The following DNAH17 variants were observed in gnomAD, a reference collection of about 807,000 sequenced individuals.
The protein encoded by DNAH17 is axonemal beta dynein heavy chain 17.
In DNAH17, 376 loss-of-function variants were observed where a neutral mutation model predicts 485.6. That is an observed-to-expected ratio of 0.77 (90% CI 0.71 to 0.84). DNAH17 has a LOEUF of 0.84. Ranked by LOEUF, DNAH17 falls within the 40% of genes least tolerant of loss-of-function variation. The probability of loss-of-function intolerance (pLI) is 0.00; values close to 1 mark genes in which losing one functional copy is unlikely to be tolerated. For missense variants in DNAH17, 6,370 were observed against 5,839.3 expected (o/e 1.09, Z -2.96); for synonymous variants, 3,031 against 2,405.9 (o/e 1.26, Z -7.60).
chr17:78,529,682 C>T lies in DNAH17; in HGVS notation c.3297G>A (p.Leu1099=), dbSNP rs1423107860. ...TTCTGGCGACTTTCATGAAGGCTTC[C>T]AGGTCAGCCAGGCTAAGGGACAAGG... is the stretch of plus-strand genomic sequence containing the variant. ...SNHVTNSLAD[L]EAFMKVARMG... The change falls in exon 22 of 81, where the codon CTG becomes CTA. Residue 1099 remains leucine (L), a synonymous_variant. Transcript: ENST00000389840. 1.2e-6 allele frequency: 2 copies of T among 1,613,828 alleles called. No individual in the cohort carries two copies. The highest frequency in any genetic ancestry group is 8.5e-7 in the Non-Finnish European group (1 of 1,179,860).
intron 54 of DNAH17, among the ~76,000 whole-genome samples, chr17:78,470,201 G>A (rs1489608027): frequency 2.7e-5 from 4 of 149,752 alleles, no homozygotes; most frequent in Non-Finnish European, 4.4e-5. Flanking sequence ...AGCCTCCTGA[G>A]AGATTACAGG....
At chr17:78,451,105 C>T (rs2087530421) in intron 66 of DNAH17, among the ~76,000 whole-genome samples, 1 of 152,234 alleles carries the variant, frequency 6.6e-6, no homozygotes, top group Non-Finnish European at 1.5e-5. Context: ...CTCCTGAGCC[C>T]ATGCAAGTGG....
At chr17:78,544,316 G>A (rs1371233838) in intron 16 of DNAH17, among the ~76,000 whole-genome samples, 1 of 152,212 alleles carries the variant, frequency 6.6e-6, no homozygotes, top group Non-Finnish European at 1.5e-5. Flanking sequence ...TCTCTCTTTA[G>A]GGGGACGGAA....
At chr17:78,539,171 A>T (rs372990388) in intron 18 of DNAH17, among the ~76,000 whole-genome samples, 1 of 152,254 alleles carries the variant, frequency 6.6e-6, no homozygotes, top group East Asian at 1.9e-4. Context: ...TGGAGTTTGC[A>T]GTGAGCTGAG....
intron 19 of DNAH17, among the ~76,000 whole-genome samples, chr17:78,533,725 C>A (rs1038404055): frequency 6.6e-6 from 1 of 152,168 alleles, no homozygotes; most frequent in Non-Finnish European, 1.5e-5. Context: ...CGGTCTGTCA[C>A]CCAGGCCGGA....
chr17:78,478,965 A>T, intron 51 of DNAH17, 60 bp downstream of exon 51: 1 of 1,424,904 alleles, frequency 7.0e-7, no homozygotes, highest in Non-Finnish European at 9.8e-7. Context: ...TGAGGAAAGC[A>T]CCTGTGGATC....
chr17:78,503,455 G>A (rs2090375772), intron 31 of DNAH17, among the ~76,000 whole-genome samples: 2 of 151,506 alleles, frequency 1.3e-5, no homozygotes, highest in South Asian at 4.2e-4. Flanking sequence ...AAAGTGCTGG[G>A]ATTACAGGCA....
At chr17:78,518,744 C>T (rs530866449) in intron 25 of DNAH17, among the ~76,000 whole-genome samples, 6 of 152,328 alleles carry the variant, frequency 3.9e-5, no homozygotes, top group East Asian at 3.9e-4. Flanking sequence ...AGACTATATC[C>T]TGATCCATAA....
At chr17:78,501,428 C>T (rs530062013) in intron 34 of DNAH17, 84 bp from the exon 35 acceptor site, 30 of 1,471,794 alleles carry the variant, frequency 2.0e-5, no homozygotes, top group Admixed American at 6.6e-5. Context: ...CCTCCAAGGC[C>T]GGTCCCCTGC....
intron 27 of DNAH17, among the ~76,000 whole-genome samples, chr17:78,508,459 T>A (rs1376342533): frequency 6.6e-6 from 1 of 152,232 alleles, no homozygotes; most frequent in Non-Finnish European, 1.5e-5. Context: ...TAACTGTGTT[T>A]TGGAGTCTTC....
intron 51 of DNAH17, among the ~76,000 whole-genome samples, chr17:78,477,079 A>AC (rs981736210): frequency 1.3e-5 from 2 of 152,360 alleles, no homozygotes. Context: ...CTTGGGTACC[A>AC]CAGCAAGCCT....
intron 17 of DNAH17, among the ~76,000 whole-genome samples, chr17:78,541,991 G>C (rs1209015457): frequency 6.6e-6 from 1 of 152,044 alleles, no homozygotes; most frequent in Non-Finnish European, 1.5e-5. Context: ...GATCTTTAGA[G>C]CAATGATGTG....
intron 67 of DNAH17, 93 bp downstream of exon 67, chr17:78,450,589 T>C: frequency 4.0e-6 from 6 of 1,491,628 alleles, no homozygotes; most frequent in African/African-American, 1.4e-5. Context: ...CGAAGCTGCT[T>C]TTCTCCTTTC....
At chr17:78,534,283 G>T (rs1225790859) in intron 19 of DNAH17, among the ~76,000 whole-genome samples, 1 of 152,230 alleles carries the variant, frequency 6.6e-6, no homozygotes, top group Non-Finnish European at 1.5e-5. Context: ...TGGAGATCTT[G>T]TCTGTGCAGG....
intron 11 of DNAH17, among the ~76,000 whole-genome samples, chr17:78,562,994 G>C (rs79466370): frequency 0.023 from 3,462 of 152,278 alleles, 138 homozygotes; most frequent in African/African-American, 0.077. Context: ...CGGTGAGCCT[G>C]AGTCTCAGAC....
chr17:78,487,374 A>G (rs1045410235), intron 44 of DNAH17, among the ~76,000 whole-genome samples: 2 of 152,244 alleles, frequency 1.3e-5, no homozygotes, highest in Non-Finnish European at 2.9e-5. Context: ...CCAAATCAGC[A>G]TCTGCTGAAA....
At position 78,514,934 on chromosome 17, in the gene DNAH17, T is replaced by C; in HGVS notation, c.3953A>G (p.Lys1318Arg). The C allele has an allele frequency of 6.2e-7, 1 of 1,614,062 alleles. No homozygotes were observed. Among genetic ancestry groups the C allele is most frequent in the South Asian group, 1.1e-5 (1 of 91,088 alleles). ...QMDIDCKKFA[K>R]DMRSLDKEMK... is the part of the protein sequence containing the mutation. The stretch of plus-strand genomic sequence containing the variant: ...CTCCTTGTCCAAAGACCTCATGTCC[T>C]TGGCAAACTTCTTACAATCTATGTC... The change falls in exon 26 of 81, where the codon AAG becomes AGG. Residue 1318 changes from lysine (K) to arginine (R), a missense_variant. Lys to Arg is a conservative substitution (Grantham distance 26). Coordinates refer to ENST00000389840, the MANE Select transcript of DNAH17 (RefSeq NM_173628.4).
chr17:78,472,576 G>C, intron 54 of DNAH17: 1 of 339,162 alleles, frequency 2.9e-6, no homozygotes, highest in South Asian at 2.0e-5. Context: ...TCAGGCTGGG[G>C]TGAAGGTTTC....
intron 71 of DNAH17, 62 bp downstream of exon 71, chr17:78,444,542 G>T: frequency 1.4e-6 from 2 of 1,460,082 alleles, no homozygotes; most frequent in South Asian, 2.7e-5. Flanking sequence ...ACAGCCGCTC[G>T]GTCAAGCTTC....
Sources: gnomAD v4.1 joint callset for allele counts (sites outside exome capture counted in the v4.1 genomes callset) on GRCh38, gnomAD v4.1.1 for gene constraint, MANE v1.5 for transcripts, NCBI Gene and HGNC (gene_info 2026-07-23, HGNC 2026-07-21) for gene names.